Variants in CNTNAP2 observed in about 807,000 individuals in gnomAD.
The protein encoded by CNTNAP2 is contactin associated protein 2.
CNTNAP2 carries 98 observed loss-of-function variants against 155.2 expected under a neutral mutation model. The observed-to-expected ratio is 0.63, with a 90% CI of 0.54 to 0.75. The LOEUF (loss-of-function observed/expected upper bound fraction) is 0.75, where lower values mean the gene tolerates loss of function less well. Among genes scored for constraint, CNTNAP2 ranks in the 30% least tolerant of loss-of-function variants. The probability of loss-of-function intolerance (pLI) is 0.00; values close to 1 mark genes in which losing one functional copy is unlikely to be tolerated. For synonymous variants in CNTNAP2, 651 were observed against 631.2 expected, an observed-to-expected ratio of 1.03 and a Z score of -0.47; for missense variants, 1,727 against 1,688.1, an observed-to-expected ratio of 1.02 and a Z score of -0.40.
chr7:146,735,097 C>A (rs2129180061), intron 1 of CNTNAP2, among the ~76,000 whole-genome samples: 1 of 152,192 alleles, frequency 6.6e-6, no homozygotes, highest in Non-Finnish European at 1.5e-5. Flanking sequence ...TTGGAATGAC[C>A]TTCACTGTAA....
At chr7:146,136,285 G>C (rs1444146390) in intron 1 of CNTNAP2, among the ~76,000 whole-genome samples, 1 of 152,124 alleles carries the variant, frequency 6.6e-6, no homozygotes, top group East Asian at 1.9e-4. Context: ...CAATAGTCTT[G>C]TTATCCTTTC....
intron 1 of CNTNAP2, among the ~76,000 whole-genome samples, chr7:146,560,683 A>C (rs2129144316): frequency 6.6e-6 from 1 of 152,226 alleles, no homozygotes; most frequent in Non-Finnish European, 1.5e-5. Context: ...GTCAGTTTTC[A>C]TATTTATAGA....
At chr7:147,065,576 T>C (rs913487409) in intron 4 of CNTNAP2, among the ~76,000 whole-genome samples, 3 of 152,224 alleles carry the variant, frequency 2.0e-5, no homozygotes, top group African/African-American at 7.2e-5. Context: ...TGAACCTACA[T>C]GTCTGTTGTG....
intron 1 of CNTNAP2, among the ~76,000 whole-genome samples, chr7:146,305,811 A>G (rs567985504): frequency 6.6e-6 from 1 of 152,272 alleles, no homozygotes; most frequent in African/African-American, 2.4e-5. Context: ...TCTAAAATTG[A>G]CATCCTAACA....
chr7:148,116,500 A>T (rs968807772), intron 15 of CNTNAP2, among the ~76,000 whole-genome samples: 1 of 152,194 alleles, frequency 6.6e-6, no homozygotes, highest in Non-Finnish European at 1.5e-5. Context: ...CCAGTAGACA[A>T]CTTGAATTCT....
At chr7:147,669,008 G>A (rs946424391) in intron 13 of CNTNAP2, among the ~76,000 whole-genome samples, 70 of 151,738 alleles carry the variant, frequency 4.6e-4, no homozygotes, top group Non-Finnish European at 1.8e-4. Flanking sequence ...TCTATGTTTA[G>A]ATATACAAAC....
At chr7:147,369,623 C>T (rs1796308770) in intron 9 of CNTNAP2, among the ~76,000 whole-genome samples, 1 of 152,164 alleles carries the variant, frequency 6.6e-6, no homozygotes, top group Non-Finnish European at 1.5e-5. Flanking sequence ...AAATTACTCA[C>T]CTCTGCCATT....
At chr7:148,405,890 T>C (rs1799693140) in intron 22 of CNTNAP2, among the ~76,000 whole-genome samples, 1 of 151,808 alleles carries the variant, frequency 6.6e-6, no homozygotes, top group Non-Finnish European at 1.5e-5. Flanking sequence ...TGGCCTACCA[T>C]TGTAATTTTT....
chr7:146,854,588 A>G (rs1278239377), intron 3 of CNTNAP2, among the ~76,000 whole-genome samples: 1 of 152,166 alleles, frequency 6.6e-6, no homozygotes, highest in East Asian at 1.9e-4. Flanking sequence ...GCCTACTTGC[A>G]ACATATAGGG....
chr7:146,350,371 T>C (rs1213054344), intron 1 of CNTNAP2, among the ~76,000 whole-genome samples: 1 of 151,910 alleles, frequency 6.6e-6, no homozygotes, highest in Non-Finnish European at 1.5e-5. Flanking sequence ...GGGCGAAGGA[T>C]ATGAACAGAC....
chr7:146,722,270 T>C (rs1801351692), intron 1 of CNTNAP2, among the ~76,000 whole-genome samples: 2 of 152,062 alleles, frequency 1.3e-5, no homozygotes, highest in African/African-American at 4.8e-5. Flanking sequence ...AAAAGAATGG[T>C]ACCTGAACCC....
chr7:148,330,132 G>A (rs1472279246), intron 21 of CNTNAP2, among the ~76,000 whole-genome samples: 1 of 135,210 alleles, frequency 7.4e-6, no homozygotes, highest in Non-Finnish European at 1.6e-5. Flanking sequence ...TGGAGTGGAT[G>A]GGTAGAATGG....
intron 12 of CNTNAP2, among the ~76,000 whole-genome samples, chr7:147,637,372 G>A (rs1795196870): frequency 6.6e-6 from 1 of 152,046 alleles, no homozygotes; most frequent in South Asian, 2.1e-4. Context: ...TCATGGGCAG[G>A]CTTGATGATG....
intron 9 of CNTNAP2, among the ~76,000 whole-genome samples, chr7:147,315,328 A>G (rs567109020): frequency 2.0e-5 from 3 of 151,022 alleles, no homozygotes; most frequent in South Asian, 2.1e-4. Context: ...TATCACCACA[A>G]TCTAATTTTC....
chr7:146,950,403 G>A (rs770646780), intron 3 of CNTNAP2, among the ~76,000 whole-genome samples: 4 of 151,864 alleles, frequency 2.6e-5, no homozygotes, highest in African/African-American at 7.3e-5. Context: ...CCATTAACCC[G>A]CCATCTACAT....
At chr7:146,913,245 A>G (rs1248884677) in intron 3 of CNTNAP2, among the ~76,000 whole-genome samples, 1 of 152,148 alleles carries the variant, frequency 6.6e-6, no homozygotes, top group Non-Finnish European at 1.5e-5. Context: ...GCTGACGTGC[A>G]TGGTATCTGT....
At chr7:146,557,500 C>T (rs1798214781) in intron 1 of CNTNAP2, among the ~76,000 whole-genome samples, 1 of 151,830 alleles carries the variant, frequency 6.6e-6, no homozygotes, top group Non-Finnish European at 1.5e-5. Context: ...GTGCATATAC[C>T]AAACTTCTTT....
intron 8 of CNTNAP2, among the ~76,000 whole-genome samples, chr7:147,185,610 C>T (rs573583121): frequency 6.6e-6 from 1 of 152,240 alleles, no homozygotes; most frequent in South Asian, 2.1e-4. Context: ...TCTTAGAAAT[C>T]TAATGTTAAG....
Position 146,819,094 on chromosome 7 carries a change from T to C in CNTNAP2, c.209-20617T>C, listed in dbSNP as rs530616388. Among the ~76,000 whole-genome samples the C allele has an allele frequency of 2.6e-5, 4 of 152,270 alleles. No individual in the cohort carries two copies. In the South Asian group the frequency reaches 8.3e-4, roughly 32 times the overall value. On this transcript the variant is annotated intron_variant, in intron 2 of 23. Coordinates refer to ENST00000361727, the MANE Select transcript of CNTNAP2 (RefSeq NM_014141.6). ...AAAATAATTTGAAAATAATACATAT[T>C]ATTTATATCAGCTATAAAGTATTCT...
Sources: allele counts gnomAD v4.1 joint callset (sites outside exome capture counted in the v4.1 genomes callset), GRCh38; gene constraint gnomAD v4.1.1; transcripts MANE v1.5; gene names NCBI Gene and HGNC (gene_info 2026-07-23, HGNC 2026-07-21).